SRGAP1: variants seen among roughly 807,000 people sequenced by gnomAD.
The protein encoded by SRGAP1 is SLIT-ROBO Rho GTPase-activating protein 1.
SRGAP1 carries 43 observed loss-of-function variants against 121.9 expected under a neutral mutation model. The observed-to-expected ratio is 0.35, with a 90% CI of 0.28 to 0.46. SRGAP1 has a LOEUF of 0.46. Ranked by LOEUF, SRGAP1 falls within the 20% of genes least tolerant of loss-of-function variation. SRGAP1 has a pLI of 1.00. For missense variants in SRGAP1, 1,102 were observed against 1,350.9 expected (o/e 0.82, Z 2.89); for synonymous variants, 447 against 485.4 (o/e 0.92, Z 1.04).
chr12:63,971,332 G>A (rs931170628), intron 1 of SRGAP1, among the ~76,000 whole-genome samples: 1 of 152,208 alleles, frequency 6.6e-6, no homozygotes. Context: ...TAACCTGGGA[G>A]GCCCCAAGGT....
intron 1 of SRGAP1, among the ~76,000 whole-genome samples, chr12:63,863,312 G>A (rs1225032262): frequency 2.8e-5 from 4 of 142,316 alleles, no homozygotes; most frequent in African/African-American, 8.0e-5. Context: ...TTACCTTATC[G>A]CCCAGGCTGG....
intron 6 of SRGAP1, among the ~76,000 whole-genome samples, chr12:64,057,225 C>T (rs2035360489): frequency 6.6e-6 from 1 of 152,144 alleles, no homozygotes; most frequent in Non-Finnish European, 1.5e-5. Flanking sequence ...TTGATCTTTT[C>T]ATTGCTCAAG....
intron 8 of SRGAP1, among the ~76,000 whole-genome samples, chr12:64,077,408 C>G (rs575845874): frequency 6.6e-6 from 1 of 151,210 alleles, no homozygotes; most frequent in African/African-American, 2.4e-5. Context: ...GTAATAAATA[C>G]ATGGGTGATG....
chr12:64,131,785 A>C (rs2036788638), intron 21 of SRGAP1, among the ~76,000 whole-genome samples: 1 of 152,240 alleles, frequency 6.6e-6, no homozygotes, highest in Admixed American at 6.5e-5. Context: ...CACCCAGTTC[A>C]TAATAGGCAG....
intron 2 of SRGAP1, among the ~76,000 whole-genome samples, chr12:63,987,445 G>A (rs2033447317): frequency 1.3e-5 from 2 of 152,116 alleles, no homozygotes; most frequent in South Asian, 2.1e-4. Flanking sequence ...ACAAAGGGTC[G>A]GGTGCGGTGG....
intron 21 of SRGAP1, among the ~76,000 whole-genome samples, chr12:64,141,197 C>T (rs2036952844): frequency 1.4e-5 from 2 of 146,988 alleles, no homozygotes; most frequent in South Asian, 4.5e-4. Context: ...GGGTGCAGTG[C>T]ACCAGCATGG....
At chr12:64,123,673 T>TTTAA (rs2036640616) in intron 18 of SRGAP1, among the ~76,000 whole-genome samples, 1 of 144,834 alleles carries the variant, frequency 6.9e-6, no homozygotes, top group African/African-American at 2.8e-5. Context: ...TATTTATTTA[T>TTTAA]TTATTTATTT....
At chr12:63,902,597 A>G (rs1385166539) in intron 1 of SRGAP1, among the ~76,000 whole-genome samples, 1 of 152,212 alleles carries the variant, frequency 6.6e-6, no homozygotes, top group Non-Finnish European at 1.5e-5. Flanking sequence ...ATTTGGTTAT[A>G]AAGTAACTAA....
At chr12:64,060,205 C>CTTTTTT (rs58447783) in intron 6 of SRGAP1, among the ~76,000 whole-genome samples, 1 of 121,446 alleles carries the variant, frequency 8.2e-6, no homozygotes. Context: ...TTCTTTTTTT[C>CTTTTTT]TTTTTTTTTT....
chr12:64,026,080 C>T (rs1304681947), intron 4 of SRGAP1, among the ~76,000 whole-genome samples: 2 of 149,580 alleles, frequency 1.3e-5, no homozygotes, highest in Non-Finnish European at 2.9e-5. Flanking sequence ...GTAAGGCTGT[C>T]TTCTTTAAAA....
chr12:63,881,527 A>G (rs1241853435), intron 1 of SRGAP1, among the ~76,000 whole-genome samples: 3 of 152,212 alleles, frequency 2.0e-5, no homozygotes, highest in Non-Finnish European at 4.4e-5. Context: ...ACTTCATTCA[A>G]GTTACCGTCT....
At chr12:64,086,795 T>A (rs1453682026) in intron 10 of SRGAP1, among the ~76,000 whole-genome samples, 1 of 151,890 alleles carries the variant, frequency 6.6e-6, no homozygotes, top group African/African-American at 2.4e-5. Flanking sequence ...TAGAATTTAT[T>A]AAATTTTATG....
At chr12:63,862,003 C>T (rs1899470885) in intron 1 of SRGAP1, among the ~76,000 whole-genome samples, 1 of 152,008 alleles carries the variant, frequency 6.6e-6, no homozygotes, top group South Asian at 2.1e-4. Context: ...TGCCTGTAAT[C>T]CCAGCTACTC....
intron 1 of SRGAP1, among the ~76,000 whole-genome samples, chr12:63,922,576 C>T (rs1002946590): frequency 1.3e-5 from 2 of 152,184 alleles, no homozygotes; most frequent in African/African-American, 4.8e-5. Flanking sequence ...CTACTTCAAC[C>T]TACTTTTCCA....
rs2037148956 is a variant in SRGAP1 at position 64,154,556 on chromosome 12, T to C, written c.*11884T>C. 6.6e-6 allele frequency: 1 copy of C among 152,216 alleles called. No individual in the cohort carries two copies. Among genetic ancestry groups the C allele is most frequent in the Admixed American group, 6.5e-5 (1 of 15,286 alleles). The allele number at this position is 152,216 out of a possible 1,614,324, so 9.4% of individuals were successfully genotyped here. On this transcript the variant is annotated 3_prime_UTR_variant, in exon 22 of 22. Coordinates refer to ENST00000355086, the MANE Select transcript of SRGAP1 (RefSeq NM_020762.4). ...GAAAAGAATCAAGAGTGGCTCCTAG[T>C]ATTTGTTTGAGCAAATGGGTGGAAT...
At chr12:63,922,071 C>T (rs565304277) in intron 1 of SRGAP1, among the ~76,000 whole-genome samples, 23 of 151,958 alleles carry the variant, frequency 1.5e-4, no homozygotes, top group Non-Finnish European at 2.5e-4. Flanking sequence ...TTCTCCCTGC[C>T]GGCTTCCAGT....
intron 1 of SRGAP1, among the ~76,000 whole-genome samples, chr12:63,979,126 G>C (rs138944822): frequency 8.3e-5 from 11 of 133,030 alleles, no homozygotes; most frequent in African/African-American, 3.2e-4. Context: ...TGCAACCTCT[G>C]CCTGCCAGGT....
chr12:63,954,139 G>C (rs2032382855), intron 1 of SRGAP1, among the ~76,000 whole-genome samples: 1 of 152,156 alleles, frequency 6.6e-6, no homozygotes, highest in African/African-American at 2.4e-5. Context: ...AACAAACTGT[G>C]ATTTGAAAGT....
At chr12:63,853,852 A>G (rs1339439822) in intron 1 of SRGAP1, among the ~76,000 whole-genome samples, 2 of 152,264 alleles carry the variant, frequency 1.3e-5, no homozygotes, top group Non-Finnish European at 2.9e-5. Context: ...TGGGCAAGGT[A>G]AATCCAAGCA....
Sources: gnomAD v4.1 joint callset for allele counts (sites outside exome capture counted in the v4.1 genomes callset) on GRCh38, gnomAD v4.1.1 for gene constraint, MANE v1.5 for transcripts, NCBI Gene and HGNC (gene_info 2026-07-23, HGNC 2026-07-21) for gene names.